Variants in RAP1GAP observed in about 807,000 individuals in gnomAD.
RAP1GAP encodes the protein RAP1 GTPase activating protein, also known as rap1 GTPase-activating protein 1.
In RAP1GAP, 35 loss-of-function variants were observed where a neutral mutation model predicts 87.2. That is an observed-to-expected ratio of 0.40 (90% confidence interval 0.31 to 0.53). RAP1GAP has a LOEUF of 0.53. Among genes scored for constraint, RAP1GAP ranks in the 20% least tolerant of loss-of-function variants. The pLI is 0.48. For synonymous variants in RAP1GAP, 375 were observed against 363.9 expected, an observed-to-expected ratio of 1.03 and a Z score of -0.35; for missense variants, 734 against 898.9, an observed-to-expected ratio of 0.82 and a Z score of 2.35.
intron 15 of RAP1GAP, 53 bp from the exon 16 acceptor site, chr1:21,608,989 A>C: frequency 6.7e-7 from 1 of 1,495,350 alleles, no homozygotes; most frequent in Non-Finnish European, 9.3e-7. Context: ...GATGACACAT[A>C]AACAAGGGTC....
chr1:21,637,144 TC>T lies in RAP1GAP; in HGVS notation c.-112-10748del, dbSNP rs369839454. On this transcript the variant is annotated intron_variant, in intron 2 of 24. Transcript: ENST00000374765. ...CTCCCACATTTGAAATTCTTTTTTT[TC>T]TTTTTTTTTTTTTTTTTTGGTGGTG... Among the ~76,000 whole-genome samples, 3 of 149,612 alleles carry T rather than the reference TC, an allele frequency of 2.0e-5. No individual in the cohort carries two copies. The East Asian group carries it at 5.8e-4, about 29-fold the overall frequency.
chr1:21,604,586 C>T (rs2072373485), intron 18 of RAP1GAP, among the ~76,000 whole-genome samples: 1 of 152,090 alleles, frequency 6.6e-6, no homozygotes, highest in Admixed American at 6.5e-5. Flanking sequence ...CCACAGGAGG[C>T]TGGGTCACTC....
At chr1:21,610,009 G>T in intron 14 of RAP1GAP, 111 bp downstream of exon 14, 1 of 1,322,068 alleles carries the variant, frequency 7.6e-7, no homozygotes, top group Non-Finnish European at 1.0e-6. Context: ...AGCCTTCCAT[G>T]GTCCCCCCAT....
At chr1:21,597,614 G>A in intron 24 of RAP1GAP, 72 bp downstream of exon 24, 1 of 1,384,696 alleles carries the variant, frequency 7.2e-7, no homozygotes, top group East Asian at 2.4e-5. Context: ...GAAGAACAGG[G>A]AGGAATCAGC....
At chr1:21,617,849 A>G (rs868211607) in intron 6 of RAP1GAP, 85 bp downstream of exon 6, 1 of 1,572,088 alleles carries the variant, frequency 6.4e-7, no homozygotes. Context: ...TCAGGCTCCT[A>G]AGGAGGAGGA....
chr1:21,651,002 T>C (rs546270089), intron 1 of RAP1GAP, among the ~76,000 whole-genome samples: 1 of 152,292 alleles, frequency 6.6e-6, no homozygotes. Context: ...AGGTAGGGCC[T>C]GGTGAAGGTC....
chr1:21,655,651 C>G (rs2096831468), intron 1 of RAP1GAP, among the ~76,000 whole-genome samples: 1 of 152,230 alleles, frequency 6.6e-6, no homozygotes, highest in African/African-American at 2.4e-5. Context: ...GGCTGCTTTC[C>G]AGGGTCCAGG....
chr1:21,639,259 G>A (rs1309212185), intron 2 of RAP1GAP, among the ~76,000 whole-genome samples: 1 of 152,230 alleles, frequency 6.6e-6, no homozygotes, highest in Non-Finnish European at 1.5e-5. Context: ...CCAGGCAGGT[G>A]GGCACGTCCC....
chr1:21,603,807 C>T lies in RAP1GAP; in HGVS notation c.1429-894G>A. ...GAGAACAGCGCGTGCAGGCAGCCTC[C>T]AGAGCCGGCGGCCCCGCGGACGACA... On this transcript the variant is annotated intron_variant, in intron 18 of 24. Coordinates refer to ENST00000374765, the MANE Select transcript of RAP1GAP (RefSeq NM_002885.4). The surrounding 1 kb of genome is among the most constrained non-coding windows in gnomAD (Gnocchi z 6.0). The T allele has an allele frequency of 6.2e-7, 1 of 1,601,890 alleles. No individual in the cohort carries two copies. The highest frequency in any genetic ancestry group is 8.5e-7 in the Non-Finnish European group (1 of 1,169,772).
intron 2 of RAP1GAP, among the ~76,000 whole-genome samples, chr1:21,644,177 C>A (rs913624616): frequency 1.3e-5 from 2 of 152,218 alleles, no homozygotes; most frequent in African/African-American, 4.8e-5. Context: ...CAGGGCGTCT[C>A]TCTGGCACTA....
chr1:21,648,626 T>C (rs1571307063), intron 2 of RAP1GAP, among the ~76,000 whole-genome samples: 1 of 152,136 alleles, frequency 6.6e-6, no homozygotes, highest in Non-Finnish European at 1.5e-5. Flanking sequence ...TTGTCAGTGG[T>C]GTTATTACTG....
rs1298617814 is a variant in RAP1GAP, at chr1:21,609,814, C to A, written c.1000-168G>T. Among the ~76,000 whole-genome samples the A allele has an allele frequency of 1.3e-5, 2 of 152,132 alleles. No homozygotes were observed. Among genetic ancestry groups the A allele is most frequent in the African/African-American group, 4.8e-5 (2 of 41,422 alleles). ...AGAGATTTCTGCCCTCTATCTTTTG[C>A]CCTGAATTTTAGTGGTGGAGATGGG... is the stretch of plus-strand genomic sequence containing the variant. On this transcript the variant is annotated intron_variant, in intron 14 of 24. Coordinates refer to ENST00000374765, the MANE Select transcript of RAP1GAP (RefSeq NM_002885.4). The surrounding 1 kb of genome is among the most constrained non-coding windows in gnomAD (Gnocchi z 4.4).
At position 21,668,687 on chromosome 1, in the gene RAP1GAP, C is replaced by G. The variant is rs1420793712; in HGVS notation, c.-149+567G>C. 2.0e-5 allele frequency: 3 copies of G among 152,110 alleles called. No individual in the cohort carries two copies. The highest frequency in any genetic ancestry group is 2.9e-5 in the Non-Finnish European group (2 of 68,012). The allele number at this position is 152,110 out of a possible 1,614,324, so 9.4% of individuals were successfully genotyped here. A position where few individuals can be genotyped will look rare whatever the true frequency, so the allele number is the denominator to read the frequency against. On this transcript the variant is annotated intron_variant, in intron 1 of 24. Transcript: ENST00000374765. This position sits in a 1 kb window ranked among gnomAD's most constrained non-coding sequence, Gnocchi z 6.2. ...GACGAGGGGGCGCCCAACTTCGTGACGCGTGTGCCCCGCTCTGCCGCGGGG... is the reference window on the plus strand; with the variant it reads ...GACGAGGGGGCGCCCAACTTCGTGAGGCGTGTGCCCCGCTCTGCCGCGGGG...
chr1:21,597,600 G>T, intron 24 of RAP1GAP, 86 bp downstream of exon 24: 4 of 1,331,590 alleles, frequency 3.0e-6, no homozygotes, highest in South Asian at 2.9e-5. Flanking sequence ...CCAGAGAGGT[G>T]ACAGAAGAAC....
At chr1:21,606,305 G>A in intron 17 of RAP1GAP, 108 bp from the exon 18 acceptor site, 2 of 1,439,222 alleles carry the variant, frequency 1.4e-6, no homozygotes, top group Admixed American at 2.2e-5. Flanking sequence ...GCCACTCTGG[G>A]TAAGCCCTGG....
intron 16 of RAP1GAP, among the ~76,000 whole-genome samples, chr1:21,608,563 C>G (rs1041782560): frequency 6.6e-6 from 1 of 151,748 alleles, no homozygotes; most frequent in African/African-American, 2.4e-5. Flanking sequence ...CTCAAAGCCC[C>G]TTCAAGATCT....
At chr1:21,620,774 C>G (rs1457303860) in intron 3 of RAP1GAP, among the ~76,000 whole-genome samples, 1 of 152,158 alleles carries the variant, frequency 6.6e-6, no homozygotes, top group African/African-American at 2.4e-5. Context: ...GTGACCCTCC[C>G]CCTGCCCCTC....
chr1:21,606,219 A>G, intron 17 of RAP1GAP, 22 bp from the exon 18 acceptor site: 2 of 1,565,724 alleles, frequency 1.3e-6, no homozygotes, highest in Non-Finnish European at 1.7e-6. Flanking sequence ...GTGGCAGTGG[A>G]GGAGGCACAG....
rs766660078 is a variant in RAP1GAP, at chr1:21,608,367, G to A, written c.1159-17C>T. ...CGTCCGCTCCTGTGGGCCAGGCCCGGGCCGTCAGGAGGGACCCCAAGGATC... is the reference window on the plus strand; with the variant it reads ...CGTCCGCTCCTGTGGGCCAGGCCCGAGCCGTCAGGAGGGACCCCAAGGATC... On this transcript the variant is annotated splice_polypyrimidine_tract_variant and intron_variant, in intron 16 of 24. Coordinates refer to ENST00000374765, the MANE Select transcript of RAP1GAP (RefSeq NM_002885.4). 1 of 1,610,026 alleles carries A rather than the reference G, an allele frequency of 6.2e-7. No individual in the cohort carries two copies. Among genetic ancestry groups the A allele is most frequent in the Admixed American group, 1.7e-5 (1 of 59,834 alleles).
Sources: allele counts gnomAD v4.1 joint callset (sites outside exome capture counted in the v4.1 genomes callset), GRCh38; gene constraint gnomAD v4.1.1; non-coding constraint Gnocchi (gnomAD v3.1); transcripts MANE v1.5; gene names NCBI Gene and HGNC (gene_info 2026-07-23, HGNC 2026-07-21).